Variants in FKBP15 observed in about 807,000 individuals in gnomAD.
FKBP15 encodes the protein FKBP prolyl isomerase family member 15.
Under a neutral mutation model 158.1 loss-of-function variants are expected in FKBP15, and 106 were observed. The observed-to-expected ratio is 0.67, with a 90% confidence interval of 0.57 to 0.79. The LOEUF is 0.79. Among genes scored for constraint, FKBP15 ranks in the 30% least tolerant of loss-of-function variants. FKBP15 has a pLI of 0.00. For missense variants in FKBP15, 1,287 were observed against 1,479.1 expected (o/e 0.87, Z 2.13); for synonymous variants, 547 against 548.6 (o/e 1.00, Z 0.04).
At chr9:113,178,438 A>G (rs914322071) in intron 20 of FKBP15, among the ~76,000 whole-genome samples, 192 bp downstream of exon 20, 2 of 152,234 alleles carry the variant, frequency 1.3e-5, no homozygotes, top group Non-Finnish European at 2.9e-5. Context: ...TCAATTCCAC[A>G]TGAATAGTCA....
rs1587942708 is a variant in FKBP15, at chr9:113,161,764, A to C, written c.*4314T>G. The C allele has an allele frequency of 6.5e-7, 1 of 1,540,480 alleles. No homozygotes were observed. ...TTCACCCTGAGAGACAGGCTGGCCC[A>C]GACAGCATTAGCCCCACTTCACAGA... On this transcript the variant is annotated 3_prime_UTR_variant, in exon 28 of 28. Transcript: ENST00000238256.
At position 113,187,852 on chromosome 9, in the gene FKBP15, T is replaced by G; in HGVS notation, c.1324A>C (p.Met442Leu). Residue 442 changes from methionine (M) to leucine (L), a missense_variant, in exon 14 of 28, where the codon ATG becomes CTG. Physicochemically the swap from Met to Leu is conservative, Grantham distance 15. Transcript: ENST00000238256. ...TGGGAATCGAGAGATGACACTTGCA[T>G]TAAGGCAGCAGAAGGTGCCTGGAGC... ...TGLQAPSAAL[M>L]QVSSLDSHSA... 6.2e-7 allele frequency: 1 copy of G among 1,613,948 alleles called. No homozygotes were observed. The highest frequency in any genetic ancestry group is 8.5e-7 in the Non-Finnish European group (1 of 1,179,864).
At chr9:113,216,974 C>A (rs1027947450) in intron 1 of FKBP15, among the ~76,000 whole-genome samples, 4 of 143,064 alleles carry the variant, frequency 2.8e-5, no homozygotes, top group Non-Finnish European at 6.0e-5. Flanking sequence ...GGCAGGATCT[C>A]GGCTGTGCAA....
In FKBP15 at chr9:113,182,870, T is replaced by A; in HGVS notation, c.1812-2A>T. On this transcript the variant is annotated splice_acceptor_variant, in intron 18 of 27. Transcript: ENST00000238256. LOFTEE classifies it high-confidence loss of function. ...ATCAGGTTACTCTGCTCAACATACC[T>A]GTGAAAGAAATAGAGAAAAAGAAAA... The A allele has an allele frequency of 1.2e-6, 2 of 1,611,568 alleles. No individual in the cohort carries two copies. The highest frequency in any genetic ancestry group is 1.7e-6 in the Non-Finnish European group (2 of 1,177,830).
In FKBP15 at chr9:113,168,550, A is replaced by T; in HGVS notation, c.3492T>A (p.Ser1164=). Residue 1164 remains serine, a synonymous_variant, in exon 27 of 28, where the codon TCT becomes TCA. Transcript: ENST00000238256. ...PSHHSQRSSL[S]GDEEDELFKG... Reference sequence around the variant, plus strand: ...TAAACAGTTCATCCTCTTCATCCCCAGAGAGACTGAAGGAAAATCAAGTCA... The same window carrying T: ...TAAACAGTTCATCCTCTTCATCCCCTGAGAGACTGAAGGAAAATCAAGTCA... The T allele has an allele frequency of 6.2e-7, 1 of 1,613,714 alleles. No homozygotes were observed. Among genetic ancestry groups the T allele is most frequent in the Non-Finnish European group, 8.5e-7 (1 of 1,179,626 alleles).
intron 9 of FKBP15, among the ~76,000 whole-genome samples, 185 bp downstream of exon 9, chr9:113,196,747 T>C (rs940341605): frequency 5.3e-5 from 8 of 152,216 alleles, no homozygotes; most frequent in African/African-American, 1.9e-4. Context: ...AGGAAGGACA[T>C]AATACTTTGG....
At chr9:113,188,305 G>T in intron 13 of FKBP15, 84 bp downstream of exon 13, 1 of 1,052,848 alleles carries the variant, frequency 9.5e-7, no homozygotes, top group Non-Finnish European at 1.4e-6. Flanking sequence ...CTGAAACAAT[G>T]CAGCCTAACA....
rs111901736 is a variant in FKBP15, at chr9:113,199,648, T to C, written c.648+166A>G. Among the ~76,000 whole-genome samples the C allele has an allele frequency of 3.5e-3, 535 of 152,328 alleles. 1 individual carries two copies. Among genetic ancestry groups the C allele is most frequent in the African/African-American group, 0.012 (517 of 41,576 alleles). ...GGTGGCACTGAGGATCTTTTACACA[T>C]TCACATTTCATAATATGCCCCCAAA... On this transcript the variant is annotated intron_variant, in intron 7 of 27. Coordinates refer to ENST00000238256, the MANE Select transcript of FKBP15 (RefSeq NM_015258.2).
chr9:113,196,381 C>CT (rs71384299), intron 9 of FKBP15, among the ~76,000 whole-genome samples: 33 of 101,782 alleles, frequency 3.2e-4, no homozygotes, highest in South Asian at 9.6e-4. Flanking sequence ...GAAGAAGTGA[C>CT]TTTTTTTTTT....
Position 113,165,077 on chromosome 9 carries a change from T to C in FKBP15, c.*1001A>G, listed in dbSNP as rs1830078022. 6.6e-6 allele frequency: 1 copy of C among 152,180 alleles called. No individual in the cohort carries two copies. Among genetic ancestry groups the C allele is most frequent in the South Asian group, 2.1e-4 (1 of 4,832 alleles). 9.4% of individuals were successfully genotyped at this position (152,180 alleles called of 1,614,324 possible). ...TTTTAAAGACTGATTGCATAATCTT[T>C]GGAAGATCCTGGAATCAAGAAAATG... On this transcript the variant is annotated 3_prime_UTR_variant, in exon 28 of 28. Transcript: ENST00000238256.
At chr9:113,199,769 T>C in intron 7 of FKBP15, 45 bp downstream of exon 7, 3 of 1,573,434 alleles carry the variant, frequency 1.9e-6, no homozygotes, top group Non-Finnish European at 2.6e-6. Flanking sequence ...ATAGCCCTCA[T>C]GCTATATAAG....
chr9:113,174,706 G>T, intron 21 of FKBP15, 123 bp from the exon 22 acceptor site: 1 of 1,044,624 alleles, frequency 9.6e-7, no homozygotes, highest in Non-Finnish European at 1.3e-6. Flanking sequence ...CCATTTTTTA[G>T]TTGAATTTTC....
Position 113,162,818 on chromosome 9 carries a change from G to C in FKBP15, c.*3260C>G, listed in dbSNP as rs1830036379. 1 of 1,613,666 alleles carries C rather than the reference G, an allele frequency of 6.2e-7. No individual in the cohort carries two copies. The highest frequency in any genetic ancestry group is 8.5e-7 in the Non-Finnish European group (1 of 1,179,766). ...AGGTGGTCATCGGCTACTTCATCAT[G>C]CTGGCCGTAATGTCCTACAACACCT... On this transcript the variant is annotated 3_prime_UTR_variant, in exon 28 of 28. Coordinates refer to ENST00000238256, the MANE Select transcript of FKBP15 (RefSeq NM_015258.2).
At position 113,165,919 on chromosome 9, in the gene FKBP15, G is replaced by C; in HGVS notation, c.*159C>G. The stretch of plus-strand genomic sequence containing the variant: ...TCTTCACCAGGTCTGGCGGGGGTGG[G>C]GCTCAGAAGGTGGCCAACCCACCCT... On this transcript the variant is annotated 3_prime_UTR_variant, in exon 28 of 28. Transcript: ENST00000238256. 1.7e-6 allele frequency: 1 copy of C among 579,014 alleles called. No individual in the cohort carries two copies. Among genetic ancestry groups the C allele is most frequent in the Non-Finnish European group, 3.1e-6 (1 of 326,738 alleles). 35.9% of individuals were successfully genotyped at this position (579,014 alleles called of 1,614,324 possible). A position where few individuals can be genotyped will look rare whatever the true frequency, so the allele number is the denominator to read the frequency against.
In FKBP15 at chr9:113,165,998, G is replaced by C. The variant is rs540268353; in HGVS notation, c.*80C>G. The C allele has an allele frequency of 6.9e-5, 95 of 1,383,924 alleles. No homozygotes were observed. The highest frequency in any genetic ancestry group is 2.5e-4 in the East Asian group (10 of 40,274). 85.7% of individuals were successfully genotyped at this position (1,383,924 alleles called of 1,614,324 possible). ...TCACCTTGACCTCACCCTGTGGTTC[G>C]CCTAGACCCAGGGTTGGCTGTGCAA... On this transcript the variant is annotated 3_prime_UTR_variant, in exon 28 of 28. Coordinates refer to ENST00000238256, the MANE Select transcript of FKBP15 (RefSeq NM_015258.2).
chr9:113,175,686 G>A (rs1240586857), intron 21 of FKBP15, among the ~76,000 whole-genome samples: 1 of 152,044 alleles, frequency 6.6e-6, no homozygotes, highest in Non-Finnish European at 1.5e-5. Context: ...ACCCTTAAAA[G>A]GGTTTACAAA....
chr9:113,161,821 C>T lies in FKBP15; in HGVS notation c.*4257G>A. On this transcript the variant is annotated 3_prime_UTR_variant, in exon 28 of 28. Coordinates refer to ENST00000238256, the MANE Select transcript of FKBP15 (RefSeq NM_015258.2). The stretch of plus-strand genomic sequence containing the variant: ...AGCGAGGCCCAGGGAAGGACCAGGA[C>T]TTGCCAAAGTGGCTACACATAGCCA... 4 of 1,110,484 alleles carry T rather than the reference C, an allele frequency of 3.6e-6. No homozygotes were observed. Among genetic ancestry groups the T allele is most frequent in the Non-Finnish European group, 5.3e-6 (4 of 748,524 alleles). The allele number at this position is 1,110,484 out of a possible 1,614,324, so 68.8% of individuals were successfully genotyped here. A position where few individuals can be genotyped will look rare whatever the true frequency, so the allele number is the denominator to read the frequency against.
chr9:113,219,939 G>A (rs547797064), intron 1 of FKBP15, among the ~76,000 whole-genome samples: 15 of 152,200 alleles, frequency 9.9e-5, no homozygotes, highest in Non-Finnish European at 1.8e-4. Flanking sequence ...GGAACAGAGT[G>A]GTGAGAGTGA....
At chr9:113,197,799 G>A (rs1479503308) in intron 8 of FKBP15, among the ~76,000 whole-genome samples, 6 of 152,202 alleles carry the variant, frequency 3.9e-5, no homozygotes, top group Non-Finnish European at 8.8e-5. Context: ...ACTGAAGCTC[G>A]TGGAGATTAA....
Sources: allele counts gnomAD v4.1 joint callset (sites outside exome capture counted in the v4.1 genomes callset), GRCh38; gene constraint gnomAD v4.1.1; transcripts MANE v1.5; gene names NCBI Gene and HGNC (gene_info 2026-07-23, HGNC 2026-07-21).